Variants in AP3B1 observed in about 807,000 individuals in gnomAD.
AP3B1 encodes AP-3 complex subunit beta-1.
A neutral mutation model predicts 132.5 loss-of-function variants in AP3B1; 61 were observed. The ratio of observed to expected loss-of-function variants is 0.46; its 90% confidence interval spans 0.37 to 0.57. The LOEUF (loss-of-function observed/expected upper bound fraction) is 0.57. Ranked by LOEUF, AP3B1 falls within the 20% of genes least tolerant of loss-of-function variation. The probability of loss-of-function intolerance (pLI) is 0.00; values close to 1 mark genes in which losing one functional copy is unlikely to be tolerated. For missense variants in AP3B1, 1,120 were observed against 1,289.4 expected, an observed-to-expected ratio of 0.87 and a Z score of 2.01; for synonymous variants, 388 against 438.3, an observed-to-expected ratio of 0.89 and a Z score of 1.43.
In AP3B1 at chr5:78,193,874, C is replaced by T. The variant is rs375897763; in HGVS notation, c.787-12212G>A. ...GGTTCACGCCATTCTCCTGCCTCAG[C>T]CTCCCGAGTAGCTGGGACTACAGGC... On this transcript the variant is annotated intron_variant, in intron 7 of 26. Transcript: ENST00000255194. 6.6e-5 allele frequency among the ~76,000 whole-genome samples: 10 copies of T among 150,630 alleles called. No homozygotes were observed. The East Asian group carries it at 1.8e-3, about 26-fold the overall frequency.
chr5:78,118,349 T>C (rs974220682), intron 17 of AP3B1, among the ~76,000 whole-genome samples: 1 of 152,172 alleles, frequency 6.6e-6, no homozygotes, highest in South Asian at 2.1e-4. Context: ...TGCAGCGCAC[T>C]GTGCGCAAGC....
intron 3 of AP3B1, among the ~76,000 whole-genome samples, chr5:78,231,223 G>A (rs907005081): frequency 3.3e-5 from 5 of 152,170 alleles, no homozygotes; most frequent in African/African-American, 9.6e-5. Flanking sequence ...CAAGGCTGGA[G>A]TGCAGTGGGG....
chr5:78,258,130 C>T (rs1285427131), intron 2 of AP3B1, among the ~76,000 whole-genome samples: 1 of 152,196 alleles, frequency 6.6e-6, no homozygotes, highest in East Asian at 1.9e-4. Flanking sequence ...ACCCCACAAG[C>T]ACAGGCAACC....
chr5:78,265,798 T>C (rs1333943010), intron 2 of AP3B1, among the ~76,000 whole-genome samples: 3 of 152,238 alleles, frequency 2.0e-5, no homozygotes, highest in Non-Finnish European at 4.4e-5. Flanking sequence ...TAAAAACGTG[T>C]AATGTCAGTA....
At chr5:78,025,157 G>A (rs1452103790) in intron 24 of AP3B1, among the ~76,000 whole-genome samples, 1 of 151,930 alleles carries the variant, frequency 6.6e-6, no homozygotes, top group Non-Finnish European at 1.5e-5. Flanking sequence ...CAAAAGTTAG[G>A]GAACCACTGA....
chr5:78,206,265 A>C (rs1472666575), intron 7 of AP3B1, among the ~76,000 whole-genome samples: 1 of 152,180 alleles, frequency 6.6e-6, no homozygotes, highest in Non-Finnish European at 1.5e-5. Flanking sequence ...AATATACTAC[A>C]TTGTGATCAA....
chr5:78,143,146 A>G (rs1352054763), intron 14 of AP3B1, among the ~76,000 whole-genome samples: 1 of 152,134 alleles, frequency 6.6e-6, no homozygotes, highest in Admixed American at 6.5e-5. Flanking sequence ...ATGACATACC[A>G]TAATCTATTA....
intron 7 of AP3B1, among the ~76,000 whole-genome samples, chr5:78,195,279 T>C (rs541545053): frequency 3.9e-5 from 6 of 152,152 alleles, no homozygotes; most frequent in South Asian, 2.1e-4. Flanking sequence ...GATGTATACA[T>C]AGGGATTCGT....
intron 25 of AP3B1, among the ~76,000 whole-genome samples, chr5:78,018,275 C>T (rs945294775): frequency 4.6e-5 from 7 of 151,748 alleles, no homozygotes; most frequent in Admixed American, 1.3e-4. Context: ...ACCGTCAATA[C>T]GTAGAATAAT....
At chr5:78,056,537 T>C (rs1748822264) in intron 22 of AP3B1, among the ~76,000 whole-genome samples, 1 of 152,232 alleles carries the variant, frequency 6.6e-6, no homozygotes, top group Non-Finnish European at 1.5e-5. Context: ...AAAATGCTTT[T>C]ATAACAACAT....
intron 2 of AP3B1, among the ~76,000 whole-genome samples, chr5:78,252,556 G>A (rs540453183): frequency 5.3e-5 from 8 of 152,328 alleles, no homozygotes; most frequent in Admixed American, 1.3e-4. Context: ...GACCTTGGGC[G>A]TTAAGGGACT....
At chr5:78,109,502 C>T (rs953135868) in intron 20 of AP3B1, among the ~76,000 whole-genome samples, 3 of 152,034 alleles carry the variant, frequency 2.0e-5, no homozygotes, top group Non-Finnish European at 2.9e-5. Flanking sequence ...TATAAAAATA[C>T]TATACTTGAA....
intron 20 of AP3B1, among the ~76,000 whole-genome samples, chr5:78,105,272 A>G (rs987800559): frequency 3.8e-5 from 4 of 105,474 alleles, no homozygotes; most frequent in African/African-American, 1.1e-4. Context: ...TAGTGGACTA[A>G]CAACGTAGCT....
At chr5:78,160,969 C>A in intron 13 of AP3B1, among the ~76,000 whole-genome samples, 1 of 150,998 alleles carries the variant, frequency 6.6e-6, no homozygotes, top group East Asian at 1.9e-4. Context: ...TCTGACAATA[C>A]AATTTAAGTT....
chr5:78,134,819 A>G (rs899306744), intron 15 of AP3B1, among the ~76,000 whole-genome samples: 1 of 152,232 alleles, frequency 6.6e-6, no homozygotes, highest in African/African-American at 2.4e-5. Flanking sequence ...CTGGGATTAC[A>G]GGCGTGAGCC....
At chr5:78,095,238 A>G (rs1750722335) in intron 21 of AP3B1, among the ~76,000 whole-genome samples, 1 of 152,224 alleles carries the variant, frequency 6.6e-6, no homozygotes, top group Non-Finnish European at 1.5e-5. Flanking sequence ...CATTTCCTGA[A>G]TGAAGAAATG....
At chr5:78,291,802 A>T (rs1749536098) in intron 1 of AP3B1, among the ~76,000 whole-genome samples, 1 of 152,226 alleles carries the variant, frequency 6.6e-6, no homozygotes, top group African/African-American at 2.4e-5. Context: ...TGGGAAAAAA[A>T]ACACTTTATT....
At chr5:78,156,024 T>C (rs1487433066) in intron 14 of AP3B1, among the ~76,000 whole-genome samples, 2 of 152,158 alleles carry the variant, frequency 1.3e-5, no homozygotes, top group Non-Finnish European at 2.9e-5. Flanking sequence ...TGTTGATATA[T>C]AAAACTCACA....
intron 2 of AP3B1, among the ~76,000 whole-genome samples, chr5:78,256,270 CA>C (rs1179958615): frequency 6.6e-6 from 1 of 151,552 alleles, no homozygotes; most frequent in African/African-American, 2.4e-5. Flanking sequence ...GACAAACCAT[CA>C]GCCAGACTAA....
Sources: gnomAD v4.1 joint callset for allele counts (sites outside exome capture counted in the v4.1 genomes callset) on GRCh38, gnomAD v4.1.1 for gene constraint, MANE v1.5 for transcripts, NCBI Gene and HGNC (gene_info 2026-07-23, HGNC 2026-07-21) for gene names.